PTPRS: variants seen among roughly 807,000 people sequenced by gnomAD.
PTPRS encodes the protein protein tyrosine phosphatase receptor type S.
Under a neutral mutation model 215.3 loss-of-function variants are expected in PTPRS, and 63 were observed. The ratio of observed to expected loss-of-function variants is 0.29; its 90% confidence interval spans 0.24 to 0.36. The LOEUF is 0.36. PTPRS is among the 10% of genes least tolerant of loss of function. PTPRS has a pLI of 1.00. For synonymous variants in PTPRS, 1,404 were observed against 1,191.4 expected, an observed-to-expected ratio of 1.18 and a Z score of -3.68; for missense variants, 2,258 against 2,825.8, an observed-to-expected ratio of 0.80 and a Z score of 4.56.
chr19:5,266,814 C>T (rs1036145791), intron 4 of PTPRS, among the ~76,000 whole-genome samples: 13 of 152,126 alleles, frequency 8.5e-5, no homozygotes, highest in South Asian at 2.1e-4. Flanking sequence ...CTGGCCTCCA[C>T]GGCTCTCAAA....
At chr19:5,266,815 G>A (rs532530269) in intron 4 of PTPRS, among the ~76,000 whole-genome samples, 3 of 152,052 alleles carry the variant, frequency 2.0e-5, no homozygotes, top group South Asian at 4.2e-4. Flanking sequence ...TGGCCTCCAC[G>A]GCTCTCAAAG....
chr19:5,208,110 T>G, intron 36 of PTPRS, 53 bp from the exon 37 acceptor site: 1 of 1,590,742 alleles, frequency 6.3e-7, no homozygotes, highest in Non-Finnish European at 8.6e-7. Context: ...TGGGGAGCCC[T>G]GATCTGACCA....
At position 5,231,317 on chromosome 19, in the gene PTPRS, G is replaced by A. The variant is rs775268583; in HGVS notation, c.2148C>T (p.Asp716=). The part of the protein sequence containing the change: ...PESSPVVVRT[D]EDVPSAPPRK... Reference sequence around the variant, plus strand: ...CCTGGGGCAGGTACTTACCATCCTCGTCGGTGCGGACGACCACGGGCGAGC... The same window carrying A: ...CCTGGGGCAGGTACTTACCATCCTCATCGGTGCGGACGACCACGGGCGAGC... The change falls in exon 14 of 38, where the codon GAC becomes GAT. Residue 716 remains aspartate, a synonymous_variant. Transcript: ENST00000262963. The A allele has an allele frequency of 6.2e-6, 10 of 1,606,574 alleles. 1 individual carries two copies. The highest frequency in any genetic ancestry group is 4.4e-5 in the South Asian group (4 of 91,002).
intron 1 of PTPRS, among the ~76,000 whole-genome samples, chr19:5,301,248 T>G (rs2049293715): frequency 1.5e-5 from 2 of 134,514 alleles, no homozygotes; most frequent in South Asian, 4.5e-4. Flanking sequence ...CAGGCCCCAT[T>G]GCCAGCCTGG....
At chr19:5,249,351 A>G (rs1312733122) in intron 9 of PTPRS, among the ~76,000 whole-genome samples, 1 of 152,140 alleles carries the variant, frequency 6.6e-6, no homozygotes, top group Admixed American at 6.5e-5. Context: ...AACAAACGAA[A>G]TGGAAACAGT....
chr19:5,229,911 C>CCG (rs1555761334), intron 14 of PTPRS, among the ~76,000 whole-genome samples: 9 of 151,906 alleles, frequency 5.9e-5, no homozygotes, highest in Admixed American at 5.2e-4. Flanking sequence ...GGCTGCCCCC[C>CCG]CCCGAGTCTA....
In PTPRS at chr19:5,320,192, A is replaced by G. The variant is rs554994931; in HGVS notation, c.-95+20472T>C. On this transcript the variant is annotated intron_variant, in intron 1 of 37. Transcript: ENST00000262963. The stretch of plus-strand genomic sequence containing the variant: ...GCAAGCCAGGCCCCTGCCCTCTGCC[A>G]TCCGGCGGCTCAACACCTGTTGTGA... Among the ~76,000 whole-genome samples, 362 of 152,302 alleles carry G rather than the reference A, an allele frequency of 2.4e-3. 2 individuals carry two copies. The highest frequency in any genetic ancestry group is 3.0e-3 in the Non-Finnish European group (202 of 68,020).
intron 9 of PTPRS, among the ~76,000 whole-genome samples, chr19:5,246,508 G>A (rs750342027): frequency 1.2e-4 from 18 of 152,314 alleles, no homozygotes; most frequent in African/African-American, 3.4e-4. Flanking sequence ...GGTGGCCTCC[G>A]ATCACTCCCG....
Position 5,211,781 on chromosome 19 carries a change from G to A in PTPRS, c.5056-13C>T, listed in dbSNP as rs1457693069. The A allele has an allele frequency of 6.2e-7, 1 of 1,607,306 alleles. No homozygotes were observed. Among genetic ancestry groups the A allele is most frequent in the African/African-American group, 1.3e-5 (1 of 74,796 alleles). On this transcript the variant is annotated splice_polypyrimidine_tract_variant and intron_variant, in intron 32 of 37. Transcript: ENST00000262963. ...AGTTAGCCAGCCGCTGTGGGGAGGA[G>A]GAAGCCAGAGGCCACCATCAGGATG...
At position 5,210,610 on chromosome 19, in the gene PTPRS, C is replaced by A. The variant is rs377459393; in HGVS notation, c.5362-16G>T. 1.2e-6 allele frequency: 2 copies of A among 1,614,070 alleles called. No individual in the cohort carries two copies. The highest frequency in any genetic ancestry group is 1.7e-6 in the Non-Finnish European group (2 of 1,179,990). On this transcript the variant is annotated splice_polypyrimidine_tract_variant and intron_variant, in intron 34 of 37. Coordinates refer to ENST00000262963, the MANE Select transcript of PTPRS (RefSeq NM_002850.4). This position sits in a 1 kb window ranked among gnomAD's most constrained non-coding sequence, Gnocchi z 4.5. ...GACACTTCTCCTGTGGAGGAGATGG[C>A]GGCCGTGGTCAGCGCTGTCTGAGCC...
chr19:5,218,849 T>C, intron 23 of PTPRS, 51 bp from the exon 24 acceptor site: 1 of 1,551,356 alleles, frequency 6.4e-7, no homozygotes, highest in Non-Finnish European at 8.7e-7. Flanking sequence ...AGAAGAAAGG[T>C]GAGGGTGTGC....
intron 30 of PTPRS, 109 bp downstream of exon 30, chr19:5,214,252 C>G (rs543415792): frequency 1.4e-6 from 2 of 1,475,466 alleles, no homozygotes; most frequent in Middle Eastern, 2.2e-4. Flanking sequence ...AGACACGCTC[C>G]GCTTTCTCTC....
At chr19:5,271,286 G>C (rs535343624) in intron 4 of PTPRS, among the ~76,000 whole-genome samples, 6 of 152,328 alleles carry the variant, frequency 3.9e-5, no homozygotes, top group African/African-American at 1.4e-4. Context: ...ACAGTAACGG[G>C]GAAGTAGAAT....
At chr19:5,284,098 T>C (rs942293629) in intron 2 of PTPRS, among the ~76,000 whole-genome samples, 7 of 151,338 alleles carry the variant, frequency 4.6e-5, no homozygotes, top group African/African-American at 1.5e-4. Context: ...CAGTGGCTCA[T>C]GCCTGTAATC....
rs1201882659 is a variant in PTPRS at position 5,222,735 on chromosome 19, G to C, written c.3057C>G (p.Gly1019=). The C allele has an allele frequency of 6.3e-7, 1 of 1,597,636 alleles. No individual in the cohort carries two copies. The change falls in exon 18 of 38, where the codon GGC becomes GGG. Residue 1019 remains glycine (G), a synonymous_variant. Coordinates refer to ENST00000262963, the MANE Select transcript of PTPRS (RefSeq NM_002850.4). ...QVRAHTRRGP[G]PFSPPVRYRT... is the part of the protein sequence containing the mutation. ...GGTAGCGGACGGGGGGGCTGAAGGG[G>C]CCAGGGCCCCGGCGCGTGTGGGCTC...
At chr19:5,216,936 GCTAA>G (rs1412871505) in intron 25 of PTPRS, among the ~76,000 whole-genome samples, 169 bp from the exon 26 acceptor site, 3 of 152,328 alleles carry the variant, frequency 2.0e-5, no homozygotes, top group Non-Finnish European at 2.9e-5. Context: ...CACGATAGCT[GCTAA>G]CTGTGTACCC....
intron 2 of PTPRS, 84 bp downstream of exon 2, chr19:5,285,966 G>A (rs1021219273): frequency 6.2e-6 from 8 of 1,289,802 alleles, no homozygotes; most frequent in Non-Finnish European, 8.7e-6. Flanking sequence ...AGGAGGTGGG[G>A]AGTGTGCCCA....
At position 5,273,481 on chromosome 19, in the gene PTPRS, C is replaced by G; in HGVS notation, c.340G>C (p.Gly114Arg). 2 of 1,614,200 alleles carry G rather than the reference C, an allele frequency of 1.2e-6. No homozygotes were observed. The highest frequency in any genetic ancestry group is 1.7e-6 in the Non-Finnish European group (2 of 1,180,046). Residue 114 changes from glycine to arginine, a missense_variant, in exon 4 of 38, where the codon GGG (glycine) becomes CGG (arginine). By Grantham distance (125) the Gly-to-Arg change is moderately radical. This residue lies in a region of PTPRS where 508 missense variants were observed against 799.4 expected (regional missense o/e 0.64). Coordinates refer to ENST00000262963, the MANE Select transcript of PTPRS (RefSeq NM_002850.4). ...VYECVAQNSV[G>R]EITVHAKLTV... is the part of the protein sequence containing the mutation. The stretch of plus-strand genomic sequence containing the variant: ...AGCTTGGCATGGACTGTGATCTCCC[C>G]AACCGAGTTCTGGGCCACACACTCG...
Position 5,280,789 on chromosome 19 carries a change from T to TC in PTPRS, c.91+5260_91+5261insG, listed in dbSNP as rs1404868111. Among the ~76,000 whole-genome samples the TC allele has an allele frequency of 6.9e-5, 10 of 144,318 alleles. No individual in the cohort carries two copies. In the South Asian group the frequency reaches 1.5e-3, roughly 22 times the overall value. The allele number at this position is 144,318 out of a possible 152,430, so 94.7% of individuals were successfully genotyped here. A position where few individuals can be genotyped will look rare whatever the true frequency, so the allele number is the denominator to read the frequency against. On this transcript the variant is annotated intron_variant, in intron 2 of 37. Transcript: ENST00000262963. ...CAGGAATGCACAGCCTCCCTTAACT[T>TC]TTTTTTTTTGTTTGTTTTTTGAGAT... is the stretch of plus-strand genomic sequence containing the variant.
Sources: allele counts gnomAD v4.1 joint callset (sites outside exome capture counted in the v4.1 genomes callset), GRCh38; gene constraint gnomAD v4.1.1; regional missense constraint gnomAD v4.1.1; non-coding constraint Gnocchi (gnomAD v3.1); transcripts MANE v1.5; gene names NCBI Gene and HGNC (gene_info 2026-07-23, HGNC 2026-07-21).